Variants in EYS observed in about 807,000 individuals in gnomAD.
EYS encodes EGF-like photoreceptor maintenance factor, also known as protein eyes shut homolog.
EYS carries 250 observed loss-of-function variants against 282.1 expected under a neutral mutation model. The ratio of observed to expected loss-of-function variants is 0.89; its 90% CI spans 0.80 to 0.98. The LOEUF is 0.98. Among genes scored for constraint, EYS ranks in the 50% least tolerant of loss-of-function variants. EYS has a pLI of 0.00. For missense variants in EYS, 4,016 were observed against 3,709.0 expected (o/e 1.08, Z -2.15); for synonymous variants, 1,355 against 1,282.9 (o/e 1.06, Z -1.20).
At chr6:65,300,868 T>C (rs1768801577) in intron 11 of EYS, 1 of 152,168 alleles carries the variant, frequency 6.6e-6, no homozygotes, top group African/African-American at 2.4e-5. Flanking sequence ...GAGTAGATTT[T>C]TACTTAATTT....
intron 14 of EYS, among the ~76,000 whole-genome samples, chr6:64,967,706 G>A (rs1366148512): frequency 6.6e-6 from 1 of 151,980 alleles, no homozygotes; most frequent in South Asian, 2.1e-4. Context: ...TTACAAATCT[G>A]TACTATAAAA....
chr6:65,552,574 A>G (rs1263238367), intron 2 of EYS, among the ~76,000 whole-genome samples: 3 of 152,146 alleles, frequency 2.0e-5, no homozygotes, highest in Non-Finnish European at 1.5e-5. Context: ...TCATATATCG[A>G]GAATGACACT....
At chr6:65,528,548 C>T (rs1474733316) in intron 2 of EYS, among the ~76,000 whole-genome samples, 1 of 152,184 alleles carries the variant, frequency 6.6e-6, no homozygotes, top group Admixed American at 6.5e-5. Flanking sequence ...TAACTTGACC[C>T]CCTCTTGCCG....
chr6:64,504,193 G>A (rs569717689), intron 26 of EYS, among the ~76,000 whole-genome samples: 17 of 152,256 alleles, frequency 1.1e-4, no homozygotes, highest in African/African-American at 4.1e-4. Flanking sequence ...TAGCTGATTA[G>A]ATCTCTGAAA....
intron 5 of EYS, among the ~76,000 whole-genome samples, chr6:65,430,975 G>C (rs1172582399): frequency 6.6e-6 from 1 of 152,148 alleles, no homozygotes; most frequent in African/African-American, 2.4e-5. Context: ...GGCCATGGGG[G>C]AAAAACATCC....
At chr6:65,236,475 G>T (rs1229014154) in intron 12 of EYS, among the ~76,000 whole-genome samples, 1 of 152,080 alleles carries the variant, frequency 6.6e-6, no homozygotes, top group Non-Finnish European at 1.5e-5. Flanking sequence ...GCCGGGCATG[G>T]TGGTGCACGC....
At chr6:65,433,610 G>A (rs1244435656) in intron 5 of EYS, among the ~76,000 whole-genome samples, 1 of 152,102 alleles carries the variant, frequency 6.6e-6, no homozygotes, top group Non-Finnish European at 1.5e-5. Context: ...AAAATTTGGG[G>A]TCAGCCTACA....
chr6:65,492,394 A>AGAAG (rs199509631), intron 4 of EYS, among the ~76,000 whole-genome samples: 14,165 of 151,538 alleles, frequency 0.093, 888 homozygotes, highest in South Asian at 0.2. Flanking sequence ...AAAGAAGGAA[A>AGAAG]GAAGGAAGGA....
intron 29 of EYS, among the ~76,000 whole-genome samples, chr6:64,311,516 T>C (rs10223762): frequency 0.024 from 3,647 of 152,268 alleles, 75 homozygotes; most frequent in African/African-American, 0.06. Context: ...TGCCAAATCA[T>C]AGCACTAGGA....
intron 22 of EYS, among the ~76,000 whole-genome samples, chr6:64,650,972 C>T (rs1768535571): frequency 6.6e-6 from 1 of 151,918 alleles, no homozygotes; most frequent in African/African-American, 2.4e-5. Flanking sequence ...AGAATAAATA[C>T]AACCTTATTG....
intron 31 of EYS, among the ~76,000 whole-genome samples, chr6:64,098,683 C>A (rs762614875): frequency 2.5e-4 from 38 of 151,756 alleles, no homozygotes; most frequent in Non-Finnish European, 5.0e-4. Flanking sequence ...TCACTGCAAC[C>A]TCTGCCTCTG....
chr6:65,176,945 T>C (rs1765240133), intron 12 of EYS, among the ~76,000 whole-genome samples: 1 of 151,678 alleles, frequency 6.6e-6, no homozygotes, highest in Non-Finnish European at 1.5e-5. Context: ...GTTTTTCATA[T>C]GTCAGTTCAT....
intron 22 of EYS, among the ~76,000 whole-genome samples, chr6:64,713,559 G>C (rs777860995): frequency 1.8e-4 from 27 of 152,066 alleles, no homozygotes; most frequent in Non-Finnish European, 3.1e-4. Context: ...GACTCCTTAA[G>C]GCATCAGCAG....
intron 22 of EYS, among the ~76,000 whole-genome samples, chr6:64,649,933 T>C (rs1443994684): frequency 6.6e-6 from 1 of 152,124 alleles, no homozygotes; most frequent in African/African-American, 2.4e-5. Flanking sequence ...CTCACAGAAA[T>C]TAACCAGTTT....
chr6:65,171,655 C>A (rs2150227786), intron 12 of EYS, among the ~76,000 whole-genome samples: 1 of 151,540 alleles, frequency 6.6e-6, no homozygotes, highest in Non-Finnish European at 1.5e-5. Flanking sequence ...AATCAAAACT[C>A]TGCCACCCAC....
At chr6:64,214,385 C>T (rs913209625) in intron 31 of EYS, among the ~76,000 whole-genome samples, 1 of 152,012 alleles carries the variant, frequency 6.6e-6, no homozygotes, top group Admixed American at 6.6e-5. Flanking sequence ...AAACCAGGTG[C>T]TAAAAATGTG....
intron 22 of EYS, among the ~76,000 whole-genome samples, chr6:64,808,321 C>T (rs1281777289): frequency 6.6e-6 from 1 of 152,004 alleles, no homozygotes; most frequent in Non-Finnish European, 1.5e-5. Context: ...GGTAACAATT[C>T]AATTAGGCTT....
At chr6:64,108,963 T>A (rs1287163840) in intron 31 of EYS, among the ~76,000 whole-genome samples, 1 of 152,044 alleles carries the variant, frequency 6.6e-6, no homozygotes, top group Non-Finnish European at 1.5e-5. Context: ...ATCAGGCACC[T>A]GGAAAGGTCA....
chr6:63,733,173 A>G (rs57217151), intron 41 of EYS, among the ~76,000 whole-genome samples: 14,126 of 152,068 alleles, frequency 0.093, 707 homozygotes, highest in East Asian at 0.16. Flanking sequence ...TAATAGATAA[A>G]GTCAGAGAGG....
Sources: allele counts gnomAD v4.1 joint callset (sites outside exome capture counted in the v4.1 genomes callset), GRCh38; gene constraint gnomAD v4.1.1; transcripts MANE v1.5; gene names NCBI Gene and HGNC (gene_info 2026-07-23, HGNC 2026-07-21).